The following MTMR14 variants were observed in gnomAD, a reference collection of about 807,000 sequenced individuals.
MTMR14 encodes myotubularin related protein 14, also known as phosphatidylinositol-3,5-bisphosphate 3-phosphatase MTMR14.
Under a neutral mutation model 86.3 loss-of-function variants are expected in MTMR14, and 48 were observed. The observed-to-expected ratio is 0.56, with a 90% confidence interval of 0.44 to 0.71. The LOEUF is 0.71. Among genes scored for constraint, MTMR14 ranks in the 30% least tolerant of loss-of-function variants. MTMR14 has a pLI of 0.00. For missense variants in MTMR14, 780 were observed against 834.6 expected, an observed-to-expected ratio of 0.93 and a Z score of 0.81; for synonymous variants, 366 against 326.1, an observed-to-expected ratio of 1.12 and a Z score of -1.32.
At chr3:9,696,467 A>T (rs902304942) in intron 17 of MTMR14, among the ~76,000 whole-genome samples, 2 of 152,210 alleles carry the variant, frequency 1.3e-5, no homozygotes, top group Non-Finnish European at 1.5e-5. Flanking sequence ...AGCTGAGATC[A>T]CGCCACTGCA....
intron 3 of MTMR14, among the ~76,000 whole-genome samples, chr3:9,664,680 T>A (rs1348835279): frequency 6.6e-6 from 1 of 152,126 alleles, no homozygotes; most frequent in East Asian, 1.9e-4. Context: ...TCTCACTTAT[T>A]TGAAAGCTAA....
chr3:9,678,434 T>C (rs186824005), intron 9 of MTMR14, among the ~76,000 whole-genome samples: 1 of 152,308 alleles, frequency 6.6e-6, no homozygotes, highest in Non-Finnish European at 1.5e-5. Flanking sequence ...CCTCATTTGA[T>C]TATAGAAACA....
rs1473374395 is a variant in MTMR14 at position 9,649,572 on chromosome 3, C to T, written c.-12C>T. On this transcript the variant is annotated 5_prime_UTR_variant, in exon 1 of 19. Coordinates refer to ENST00000296003, the MANE Select transcript of MTMR14 (RefSeq NM_001077525.3). ...CCGCTTGAGGCACACTGAGGGGACG[C>T]GGGGCTGGGCCATGGCCGGCGCTCG... 1.3e-6 allele frequency: 2 copies of T among 1,538,694 alleles called. No individual in the cohort carries two copies. The highest frequency in any genetic ancestry group is 1.8e-6 in the Non-Finnish European group (2 of 1,142,664).
chr3:9,649,676 G>C lies in MTMR14; in HGVS notation c.93G>C (p.Glu31Asp). ...NQPPQELGLG[E>D]LLEEFSRTQY... ...CGCCTCAGGAGCTGGGGCTTGGGGA[G>C]CTGCTGGAGGAGTTCTCCCGGACTC... is the stretch of plus-strand genomic sequence containing the variant. The change falls in exon 1 of 19, where the codon GAG (glutamate) becomes GAC (aspartate). Residue 31 changes from glutamate (E) to aspartate (D), a missense_variant. By Grantham distance (45) the Glu-to-Asp change is conservative. Coordinates refer to ENST00000296003, the MANE Select transcript of MTMR14 (RefSeq NM_001077525.3). The C allele has an allele frequency of 7.5e-6, 12 of 1,607,430 alleles. No individual in the cohort carries two copies. The highest frequency in any genetic ancestry group is 1.0e-5 in the Non-Finnish European group (12 of 1,177,268).
At position 9,701,603 on chromosome 3, in the gene MTMR14, G is replaced by A. The variant is rs1575106436; in HGVS notation, c.1770-187G>A. 1.4e-6 allele frequency: 1 copy of A among 703,566 alleles called. No individual in the cohort carries two copies. Among genetic ancestry groups the A allele is most frequent in the East Asian group, 2.7e-5 (1 of 36,932 alleles). 43.6% of individuals were successfully genotyped at this position (703,566 alleles called of 1,614,324 possible). ...CAGTAGCCTGAGGGCTTAGAGGAAT[G>A]GTTTAAGGGAAAACAGGGCCAGATA... On this transcript the variant is annotated intron_variant, in intron 18 of 18. Coordinates refer to ENST00000296003, the MANE Select transcript of MTMR14 (RefSeq NM_001077525.3). This position sits in a 1 kb window ranked among gnomAD's most constrained non-coding sequence, Gnocchi z 4.2.
intron 17 of MTMR14, among the ~76,000 whole-genome samples, chr3:9,690,590 G>A (rs1480479355): frequency 6.6e-6 from 1 of 152,204 alleles, no homozygotes; most frequent in Non-Finnish European, 1.5e-5. Flanking sequence ...ACAAACGATG[G>A]TGACTGCACA....
chr3:9,663,715 G>A (rs1574960912), intron 3 of MTMR14, among the ~76,000 whole-genome samples: 1 of 150,310 alleles, frequency 6.7e-6, no homozygotes, highest in Non-Finnish European at 1.5e-5. Flanking sequence ...GGGCTTCACC[G>A]TGTTAGCCAG....
intron 10 of MTMR14, 65 bp downstream of exon 10, chr3:9,683,309 C>A: frequency 1.4e-6 from 2 of 1,461,132 alleles, no homozygotes; most frequent in Non-Finnish European, 1.9e-6. Flanking sequence ...GTTCATTCTG[C>A]CTCAACTGTA....
chr3:9,652,764 C>T (rs1046730972), intron 1 of MTMR14, among the ~76,000 whole-genome samples: 3 of 150,948 alleles, frequency 2.0e-5, no homozygotes, highest in South Asian at 2.1e-4. Context: ...CTGAGGCGGG[C>T]GGATCACTTG....
rs2075709139 is a variant in MTMR14, at chr3:9,680,055, C to T, written c.897+1997C>T. Among the ~76,000 whole-genome samples, 3 of 152,328 alleles carry T rather than the reference C, an allele frequency of 2.0e-5. No individual in the cohort carries two copies. In the South Asian group the frequency reaches 6.2e-4, roughly 32 times the overall value. On this transcript the variant is annotated intron_variant, in intron 9 of 18. Coordinates refer to ENST00000296003, the MANE Select transcript of MTMR14 (RefSeq NM_001077525.3). ...CCCAGGTGATCTCATCCATCGTCCA[C>T]ACCATGAGCCCACAGCCAGGCCTCT...
intron 2 of MTMR14, among the ~76,000 whole-genome samples, chr3:9,656,426 T>C (rs969989366): frequency 4.9e-5 from 7 of 141,582 alleles, no homozygotes; most frequent in Non-Finnish European, 8.9e-5. Context: ...TAAGCTTAGT[T>C]TCTTTTTTTT....
intron 5 of MTMR14, among the ~76,000 whole-genome samples, chr3:9,670,424 A>T (rs1030371873): frequency 1.3e-5 from 2 of 152,240 alleles, no homozygotes; most frequent in Admixed American, 1.3e-4. Flanking sequence ...ATAAAAAAGT[A>T]ATGGCGACTG....
At chr3:9,651,815 A>G (rs1321502045) in intron 1 of MTMR14, among the ~76,000 whole-genome samples, 4 of 145,552 alleles carry the variant, frequency 2.7e-5, no homozygotes, top group Non-Finnish European at 6.0e-5. Context: ...ACAGGCATGC[A>G]CCATCATGCC....
intron 2 of MTMR14, among the ~76,000 whole-genome samples, chr3:9,661,735 A>G (rs563535304): frequency 6.6e-6 from 1 of 151,708 alleles, no homozygotes; most frequent in East Asian, 1.9e-4. Context: ...CTTTTTTTTT[A>G]TCTTAAAGGT....
At chr3:9,684,489 C>T in intron 10 of MTMR14, 96 bp from the exon 11 acceptor site, 1 of 1,178,894 alleles carries the variant, frequency 8.5e-7, no homozygotes, top group Non-Finnish European at 1.3e-6. Flanking sequence ...CTGGTGGGGC[C>T]TGGCTCCCTC....
At chr3:9,687,985 C>G in intron 14 of MTMR14, 94 bp downstream of exon 14, 1 of 1,059,690 alleles carries the variant, frequency 9.4e-7, no homozygotes, top group Non-Finnish European at 1.4e-6. Context: ...CATTCCCGCC[C>G]TGCCTCCCTG....
chr3:9,678,608 C>T (rs760260235), intron 9 of MTMR14, among the ~76,000 whole-genome samples: 1 of 152,186 alleles, frequency 6.6e-6, no homozygotes, highest in Non-Finnish European at 1.5e-5. Context: ...TGTTTTTCTG[C>T]GACCTTTCCC....
Position 9,668,600 on chromosome 3 carries a change from G to T in MTMR14, c.418-119G>T, listed in dbSNP as rs540596288. ...GCAGCCTTGATGCTGATAAAACTTTGGGGAGTGCTCCTGGGCCCGTTATGC... is the reference window on the plus strand; with the variant it reads ...GCAGCCTTGATGCTGATAAAACTTTTGGGAGTGCTCCTGGGCCCGTTATGC... On this transcript the variant is annotated intron_variant, in intron 3 of 18. Coordinates refer to ENST00000296003, the MANE Select transcript of MTMR14 (RefSeq NM_001077525.3). 176 of 964,810 alleles carry T rather than the reference G, an allele frequency of 1.8e-4. No homozygotes were observed. In the African/African-American group the frequency reaches 2.5e-3, roughly 14 times the overall value. 59.8% of individuals were successfully genotyped at this position (964,810 alleles called of 1,614,324 possible).
chr3:9,654,869 C>T (rs929686963), intron 2 of MTMR14, among the ~76,000 whole-genome samples: 1 of 152,184 alleles, frequency 6.6e-6, no homozygotes, highest in Admixed American at 6.5e-5. Context: ...AGAAGTGCTG[C>T]CGTAGGCCAA....
Sources: gnomAD v4.1 joint callset for allele counts (sites outside exome capture counted in the v4.1 genomes callset) on GRCh38, gnomAD v4.1.1 for gene constraint, Gnocchi (gnomAD v3.1) non-coding constraint, MANE v1.5 for transcripts, NCBI Gene and HGNC (gene_info 2026-07-23, HGNC 2026-07-21) for gene names.